The following CRISPLD2 variants were observed in gnomAD, a reference collection of about 807,000 sequenced individuals.
The protein encoded by CRISPLD2 is cysteine-rich secretory protein LCCL domain-containing 2.
CRISPLD2 carries 47 observed loss-of-function variants against 71.1 expected under a neutral mutation model. That is an observed-to-expected ratio of 0.66 (90% CI 0.52 to 0.84). The LOEUF is 0.84. CRISPLD2 is among the 40% of genes least tolerant of loss of function. The pLI, the probability that CRISPLD2 is intolerant of heterozygous loss-of-function variation, is 0.00. For missense variants in CRISPLD2, 830 were observed against 651.1 expected (o/e 1.27, Z -2.99); for synonymous variants, 317 against 250.1 (o/e 1.27, Z -2.52).
chr16:84,842,693 G>A (rs951928612), intron 2 of CRISPLD2, among the ~76,000 whole-genome samples: 2 of 152,014 alleles, frequency 1.3e-5, no homozygotes, highest in African/African-American at 4.8e-5. Context: ...CTTTTTCGCC[G>A]CCAATTTCTG....
chr16:84,866,312 C>T (rs1047821988), intron 6 of CRISPLD2, among the ~76,000 whole-genome samples: 3 of 151,678 alleles, frequency 2.0e-5, no homozygotes, highest in African/African-American at 7.3e-5. Context: ...CGGCTCACTG[C>T]AACCTCCACC....
intron 1 of CRISPLD2, among the ~76,000 whole-genome samples, chr16:84,827,630 G>C (rs11648054): frequency 6.7e-6 from 1 of 148,862 alleles, no homozygotes; most frequent in African/African-American, 2.5e-5. Flanking sequence ...GCAGTGGTGC[G>C]ATCTCAGCTC....
chr16:84,884,897 G>C (rs1442229094), intron 13 of CRISPLD2, among the ~76,000 whole-genome samples: 1 of 152,194 alleles, frequency 6.6e-6, no homozygotes, highest in African/African-American at 2.4e-5. Context: ...TCCCCCGCCA[G>C]GGCTTTTAGA....
At chr16:84,842,917 C>T (rs560922741) in intron 2 of CRISPLD2, among the ~76,000 whole-genome samples, 1 of 152,282 alleles carries the variant, frequency 6.6e-6, no homozygotes, top group South Asian at 2.1e-4. Context: ...CCCAGGATCC[C>T]AGATGCTTCC....
chr16:84,859,674 T>G (rs981494238), intron 6 of CRISPLD2, among the ~76,000 whole-genome samples: 28 of 152,238 alleles, frequency 1.8e-4, no homozygotes, highest in African/African-American at 6.5e-4. Flanking sequence ...TTATGTAAAT[T>G]AAGTGGGAAT....
At chr16:84,824,236 G>A (rs755501330) in intron 1 of CRISPLD2, among the ~76,000 whole-genome samples, 12 of 152,184 alleles carry the variant, frequency 7.9e-5, no homozygotes, top group Non-Finnish European at 1.3e-4. Flanking sequence ...TGGTGTGCCT[G>A]TAGTCTACGA....
intron 2 of CRISPLD2, among the ~76,000 whole-genome samples, chr16:84,841,486 C>G (rs1210735229): frequency 6.6e-6 from 1 of 151,736 alleles, no homozygotes; most frequent in East Asian, 1.9e-4. Context: ...AGGTGAGGAG[C>G]CTGCCTTTTT....
At chr16:84,857,909 G>T (rs1396238439) in intron 6 of CRISPLD2, among the ~76,000 whole-genome samples, 1 of 152,182 alleles carries the variant, frequency 6.6e-6, no homozygotes, top group Non-Finnish European at 1.5e-5. Context: ...ATGGAATGCT[G>T]CTGTGCACGA....
chr16:84,824,507 TCTGTTCTTCC>T (rs1318328008), intron 1 of CRISPLD2, among the ~76,000 whole-genome samples: 5 of 152,162 alleles, frequency 3.3e-5, no homozygotes, highest in Admixed American at 2.6e-4. Flanking sequence ...CTTTCCATTC[TCTGTTCTTCC>T]GGTCCTTCTG....
At chr16:84,859,350 C>T (rs1026021658) in intron 6 of CRISPLD2, among the ~76,000 whole-genome samples, 2 of 152,170 alleles carry the variant, frequency 1.3e-5, no homozygotes, top group Non-Finnish European at 2.9e-5. Context: ...TGTTTTGGGT[C>T]CCCTGGAGTC....
intron 14 of CRISPLD2, among the ~76,000 whole-genome samples, chr16:84,898,342 G>C (rs1157717277): frequency 6.6e-6 from 1 of 152,098 alleles, no homozygotes; most frequent in Non-Finnish European, 1.5e-5. Context: ...CCCATTCAAG[G>C]CCGCAGCTGC....
At chr16:84,881,170 T>C (rs917088358) in intron 13 of CRISPLD2, among the ~76,000 whole-genome samples, 6 of 152,212 alleles carry the variant, frequency 3.9e-5, no homozygotes, top group Non-Finnish European at 8.8e-5. Context: ...ATGCTTCAGA[T>C]AGTTCATTTT....
chr16:84,822,763 C>T (rs1010719237), intron 1 of CRISPLD2, among the ~76,000 whole-genome samples: 2 of 152,176 alleles, frequency 1.3e-5, no homozygotes, highest in African/African-American at 2.4e-5. Flanking sequence ...AAATAGAGCA[C>T]GCTGAGTTCT....
At chr16:84,888,867 A>G (rs920524372) in intron 13 of CRISPLD2, among the ~76,000 whole-genome samples, 1 of 152,104 alleles carries the variant, frequency 6.6e-6, no homozygotes, top group African/African-American at 2.4e-5. Flanking sequence ...AACCTTGTGA[A>G]CTGGTTTTGT....
intron 6 of CRISPLD2, among the ~76,000 whole-genome samples, chr16:84,864,069 C>G (rs1917469733): frequency 6.6e-6 from 1 of 151,720 alleles, no homozygotes; most frequent in South Asian, 2.1e-4. Flanking sequence ...GCTCAGTGAA[C>G]ATTAGCTCCG....
At chr16:84,854,412 G>A (rs1490715420) in intron 5 of CRISPLD2, among the ~76,000 whole-genome samples, 2 of 152,164 alleles carry the variant, frequency 1.3e-5, no homozygotes, top group Admixed American at 1.3e-4. Flanking sequence ...TGTGATCTAG[G>A]GGCCCTAACA....
chr16:84,864,951 G>T (rs762804943), intron 6 of CRISPLD2, among the ~76,000 whole-genome samples: 16 of 152,192 alleles, frequency 1.1e-4, no homozygotes, highest in African/African-American at 2.9e-4. Context: ...GGTGGTGGTT[G>T]TAGGGTAGTG....
chr16:84,832,668 C>T (rs557495481), intron 1 of CRISPLD2, among the ~76,000 whole-genome samples: 3 of 152,330 alleles, frequency 2.0e-5, no homozygotes, highest in South Asian at 2.1e-4. Flanking sequence ...CGGGGCATGT[C>T]GGGGTCATGG....
intron 6 of CRISPLD2, among the ~76,000 whole-genome samples, chr16:84,861,795 C>T (rs1162607958): frequency 5.9e-5 from 9 of 152,126 alleles, no homozygotes; most frequent in African/African-American, 9.6e-5. Flanking sequence ...GGTGTGGTCA[C>T]GTGCACCTGT....
Sources: gnomAD v4.1 joint callset for allele counts (sites outside exome capture counted in the v4.1 genomes callset) on GRCh38, gnomAD v4.1.1 for gene constraint, MANE v1.5 for transcripts, NCBI Gene and HGNC (gene_info 2026-07-23, HGNC 2026-07-21) for gene names.